Variants in DPP10 observed in about 807,000 individuals in gnomAD.
The protein encoded by DPP10 is inactive dipeptidyl peptidase 10.
DPP10 carries 33 observed loss-of-function variants against 120.9 expected under a neutral mutation model. That is an observed-to-expected ratio of 0.27 (90% CI 0.21 to 0.37). The LOEUF is 0.37. DPP10 is among the 10% of genes least tolerant of loss of function. DPP10 has a pLI of 1.00. For synonymous variants in DPP10, 337 were observed against 326.1 expected (o/e 1.03, Z -0.36); for missense variants, 816 against 942.8 (o/e 0.87, Z 1.76).
chr2:114,902,736 C>A (rs1486789023), intron 1 of DPP10, among the ~76,000 whole-genome samples: 1 of 152,158 alleles, frequency 6.6e-6, no homozygotes, highest in Non-Finnish European at 1.5e-5. Context: ...ATAACCCTCC[C>A]CATTATAAAC....
At chr2:115,118,330 C>T (rs976458714) in intron 1 of DPP10, among the ~76,000 whole-genome samples, 5 of 152,160 alleles carry the variant, frequency 3.3e-5, no homozygotes, top group Non-Finnish European at 7.3e-5. Flanking sequence ...CACTATCGAC[C>T]ACCAAATAAG....
chr2:115,256,562 C>T (rs531963161), intron 1 of DPP10, among the ~76,000 whole-genome samples: 2 of 152,306 alleles, frequency 1.3e-5, no homozygotes, highest in South Asian at 4.1e-4. Context: ...GGGCCTGGCC[C>T]ATGAAAACAT....
At chr2:115,650,200 G>A (rs887577082) in intron 5 of DPP10, among the ~76,000 whole-genome samples, 9 of 152,032 alleles carry the variant, frequency 5.9e-5, no homozygotes, top group African/African-American at 2.2e-4. Flanking sequence ...TCGTCGAGGT[G>A]TATCTGCAGA....
At chr2:115,825,144 A>G (rs1433454834) in intron 21 of DPP10, among the ~76,000 whole-genome samples, 1 of 152,196 alleles carries the variant, frequency 6.6e-6, no homozygotes, top group African/African-American at 2.4e-5. Context: ...TTCCAACTGC[A>G]TTTTCTGCAA....
At position 114,773,518 on chromosome 2, in the gene DPP10, G is replaced by A. The variant is rs1681458830; in HGVS notation, c.60+330680G>A. ...GACTTTTTAAATGAACATATGTAAT[G>A]GGTTTCACACACAATGCAGACTCAA... On this transcript the variant is annotated intron_variant, in intron 1 of 25. Coordinates refer to ENST00000410059, the MANE Select transcript of DPP10 (RefSeq NM_020868.6). 2.0e-5 allele frequency among the ~76,000 whole-genome samples: 3 copies of A among 152,076 alleles called. No homozygotes were observed. The South Asian group carries it at 6.2e-4, about 32-fold the overall frequency.
intron 2 of DPP10, 21 bp from the exon 3 acceptor site, chr2:115,343,796 C>G (rs1232153434): frequency 6.3e-7 from 1 of 1,576,904 alleles, no homozygotes; most frequent in Non-Finnish European, 8.7e-7. Context: ...GGCATCTAAC[C>G]TAGAATTTCC....
intron 3 of DPP10, among the ~76,000 whole-genome samples, chr2:115,424,282 C>T (rs958161732): frequency 1.3e-5 from 2 of 151,982 alleles, no homozygotes; most frequent in East Asian, 1.9e-4. Context: ...GTAGTTTTTG[C>T]ATTAAGCCAG....
chr2:114,603,979 C>A (rs1365651183), intron 1 of DPP10, among the ~76,000 whole-genome samples: 1 of 152,030 alleles, frequency 6.6e-6, no homozygotes, highest in Admixed American at 6.6e-5. Context: ...GTACATGGGG[C>A]AAAGTTTGGA....
intron 19 of DPP10, among the ~76,000 whole-genome samples, chr2:115,804,295 G>T (rs558255471): frequency 7.2e-5 from 11 of 152,182 alleles, no homozygotes; most frequent in Admixed American, 5.9e-4. Context: ...GTCCTTTAAG[G>T]ACTTCTCTGC....
intron 1 of DPP10, among the ~76,000 whole-genome samples, chr2:114,832,072 G>A (rs543404595): frequency 1.4e-4 from 22 of 151,830 alleles, no homozygotes; most frequent in Non-Finnish European, 1.3e-4. Context: ...TTTTCCACGT[G>A]TTTTCACCTT....
intron 1 of DPP10, among the ~76,000 whole-genome samples, chr2:114,727,908 C>T (rs187873021): frequency 7.9e-5 from 12 of 152,048 alleles, no homozygotes; most frequent in African/African-American, 2.9e-4. Flanking sequence ...ACTTAAAAAC[C>T]CTCATTTAAT....
chr2:115,405,066 TC>T (rs2068408120), intron 3 of DPP10, among the ~76,000 whole-genome samples: 1 of 152,150 alleles, frequency 6.6e-6, no homozygotes, highest in Admixed American at 6.5e-5. Context: ...AGTACCCAAA[TC>T]TTAACTTATT....
At chr2:115,010,425 T>C (rs954584440) in intron 1 of DPP10, among the ~76,000 whole-genome samples, 4 of 152,160 alleles carry the variant, frequency 2.6e-5, no homozygotes, top group African/African-American at 9.7e-5. Flanking sequence ...GTATTTTTAT[T>C]GCTGAGAATA....
At chr2:114,845,852 G>A (rs1020663480) in intron 1 of DPP10, among the ~76,000 whole-genome samples, 2 of 152,112 alleles carry the variant, frequency 1.3e-5, no homozygotes, top group Non-Finnish European at 2.9e-5. Flanking sequence ...GTAGTTTAAG[G>A]TGTTGCAAGA....
intron 1 of DPP10, among the ~76,000 whole-genome samples, chr2:115,113,970 A>T (rs1026343128): frequency 1.3e-5 from 2 of 152,214 alleles, no homozygotes; most frequent in Non-Finnish European, 2.9e-5. Flanking sequence ...CTTATAAAAC[A>T]TTCCTCCAAG....
chr2:114,870,124 T>G (rs1460791252), intron 1 of DPP10, among the ~76,000 whole-genome samples: 2 of 152,196 alleles, frequency 1.3e-5, no homozygotes, highest in Non-Finnish European at 2.9e-5. Flanking sequence ...AAATACTGCC[T>G]CTCTGGGCAC....
intron 3 of DPP10, among the ~76,000 whole-genome samples, chr2:115,405,173 A>G (rs74695196): frequency 0.08 from 12,128 of 152,242 alleles, 540 homozygotes; most frequent in Middle Eastern, 0.13. Flanking sequence ...AAATAAATGT[A>G]TTTTCTAAAT....
At chr2:115,184,257 T>C (rs914961705) in intron 1 of DPP10, among the ~76,000 whole-genome samples, 1 of 152,198 alleles carries the variant, frequency 6.6e-6, no homozygotes, top group Non-Finnish European at 1.5e-5. Context: ...AAACTTTAGC[T>C]ATTATTATTA....
intron 1 of DPP10, among the ~76,000 whole-genome samples, chr2:114,969,641 C>T (rs1699261736): frequency 6.6e-6 from 1 of 152,136 alleles, no homozygotes; most frequent in African/African-American, 2.4e-5. Flanking sequence ...TTCCAGCATT[C>T]CTGTAGCTAT....
Sources: gnomAD v4.1 joint callset for allele counts (sites outside exome capture counted in the v4.1 genomes callset) on GRCh38, gnomAD v4.1.1 for gene constraint, MANE v1.5 for transcripts, NCBI Gene and HGNC (gene_info 2026-07-23, HGNC 2026-07-21) for gene names.